The following AMPD3 variants were observed in gnomAD, a reference collection of about 807,000 sequenced individuals.
AMPD3 encodes the protein AMP deaminase 3.
In AMPD3, 57 loss-of-function variants were observed where a neutral mutation model predicts 82.3. The observed-to-expected ratio is 0.69, with a 90% CI of 0.56 to 0.86. The LOEUF (loss-of-function observed/expected upper bound fraction) is 0.86, where lower values mean the gene tolerates loss of function less well. Among genes scored for constraint, AMPD3 ranks in the 40% least tolerant of loss-of-function variants. The pLI is 0.00. For synonymous variants in AMPD3, 381 were observed against 394.7 expected (o/e 0.97, Z 0.41); for missense variants, 870 against 1,003.8 (o/e 0.87, Z 1.80).
Position 10,506,093 on chromosome 11 carries a change from C to G in AMPD3, c.*209C>G. 3 of 620,480 alleles carry G rather than the reference C, an allele frequency of 4.8e-6. No individual in the cohort carries two copies. In the South Asian group the frequency reaches 5.5e-5, roughly 11 times the overall value. 38.4% of individuals were successfully genotyped at this position (620,480 alleles called of 1,614,324 possible). Reference sequence around the variant, plus strand: ...CTGAGTAACAAGATGGTGACTTCTCCTTGGGGATCTGGGAGCTGAGCACTT... The same window carrying G: ...CTGAGTAACAAGATGGTGACTTCTCGTTGGGGATCTGGGAGCTGAGCACTT... On this transcript the variant is annotated 3_prime_UTR_variant, in exon 15 of 15. Transcript: ENST00000396553. This position sits in a 1 kb window ranked among gnomAD's most constrained non-coding sequence, Gnocchi z 4.1.
upstream of AMPD3, chr11:10,450,722 T>G: frequency 3.7e-6 from 4 of 1,093,556 alleles, no homozygotes; most frequent in African/African-American, 1.7e-5. Flanking sequence ...GCCCGGGCGC[T>G]TCAGGTAGCC....
intron 1 of AMPD3, among the ~76,000 whole-genome samples, chr11:10,457,339 TGGGTTCTGTAAAACAAAAA>T (rs1848126505): frequency 6.6e-6 from 1 of 152,142 alleles, no homozygotes; most frequent in African/African-American, 2.4e-5. Context: ...AAGATTTTTA[TGGGTTCTGTAAAACAAAAA>T]GGGTTCTGTA....
intron 1 of AMPD3, chr11:10,461,068 C>A: frequency 8.5e-7 from 1 of 1,171,792 alleles, no homozygotes; most frequent in Non-Finnish European, 1.1e-6. Context: ...TCTTGTGCGA[C>A]CTTAGCTGTT....
At chr11:10,490,894 C>G (rs1474498604) in intron 6 of AMPD3, among the ~76,000 whole-genome samples, 1 of 152,184 alleles carries the variant, frequency 6.6e-6, no homozygotes, top group Non-Finnish European at 1.5e-5. Context: ...TTTTAGTTTT[C>G]TGCTTTGCTT....
chr11:10,480,008 G>A (rs1848855322), intron 3 of AMPD3: 12 of 976,954 alleles, frequency 1.2e-5, no homozygotes, highest in African/African-American at 1.8e-5. Context: ...AGTCGAGGTG[G>A]GTCGGCCACC....
At chr11:10,494,591 T>C in intron 7 of AMPD3, 2 of 985,344 alleles carry the variant, frequency 2.0e-6, no homozygotes, top group Non-Finnish European at 1.2e-6. Context: ...TGATAGGGAA[T>C]GTTCTATTAT....
chr11:10,463,908 G>A (rs536740665), intron 2 of AMPD3, among the ~76,000 whole-genome samples: 21 of 152,316 alleles, frequency 1.4e-4, no homozygotes, highest in African/African-American at 4.8e-4. Flanking sequence ...TGGATGTCTG[G>A]CAGAGGAAGA....
Position 10,478,561 on chromosome 11 carries a change from T to C in AMPD3, c.257T>C (p.Leu86Pro). The C allele has an allele frequency of 6.2e-7, 1 of 1,614,206 alleles. No individual in the cohort carries two copies. Among genetic ancestry groups the C allele is most frequent in the Non-Finnish European group, 8.5e-7 (1 of 1,180,038 alleles). The change falls in exon 3 of 15, where the codon CTG becomes CCG. Residue 86 changes from leucine (L) to proline (P), a missense_variant. Coordinates refer to ENST00000396553, the MANE Select transcript of AMPD3 (RefSeq NM_001025389.2). ...KSFKMIRSQS[L>P]SLQMPPQQDW... ...TTCAAGATGATTCGGTCCCAGTCCC[T>C]GTCTCTGCAAATGCCGCCACAGCAA... is the stretch of plus-strand genomic sequence containing the variant.
chr11:10,485,095 G>A (rs1849028662), intron 5 of AMPD3, 56 bp downstream of exon 5: 1 of 1,538,268 alleles, frequency 6.5e-7, no homozygotes, highest in Admixed American at 1.9e-5. Context: ...TCTGTAGGAA[G>A]GAGATGAGAA....
chr11:10,476,567 C>A (rs1202534709), intron 2 of AMPD3, among the ~76,000 whole-genome samples: 1 of 151,980 alleles, frequency 6.6e-6, no homozygotes, highest in Non-Finnish European at 1.5e-5. Context: ...GACCAGACCT[C>A]AGGCAGCCTT....
chr11:10,463,041 C>T lies in AMPD3; in HGVS notation c.221+1301C>T, dbSNP rs1003020746. On this transcript the variant is annotated intron_variant, in intron 2 of 14. Coordinates refer to ENST00000396553, the MANE Select transcript of AMPD3 (RefSeq NM_001025389.2). Reference sequence around the variant, plus strand: ...CTAAGTGAAATGAGAAGCCCTCATCCTTTCACAGTTTATCTCACCCTGGGC... The same window carrying T: ...CTAAGTGAAATGAGAAGCCCTCATCTTTTCACAGTTTATCTCACCCTGGGC... Among the ~76,000 whole-genome samples, 57 of 152,274 alleles carry T rather than the reference C, an allele frequency of 3.7e-4. 1 individual carries two copies. Among genetic ancestry groups the T allele is most frequent in the African/African-American group, 1.4e-3 (57 of 41,556 alleles).
chr11:10,472,242 A>G (rs1046074154), intron 2 of AMPD3, among the ~76,000 whole-genome samples: 15 of 151,930 alleles, frequency 9.9e-5, no homozygotes, highest in African/African-American at 3.4e-4. Flanking sequence ...GAGTTGAACA[A>G]TGAGAACACA....
At chr11:10,480,859 C>T (rs371671055) in intron 3 of AMPD3, among the ~76,000 whole-genome samples, 12 of 152,340 alleles carry the variant, frequency 7.9e-5, no homozygotes, top group African/African-American at 2.9e-4. Context: ...TGGTGCCTCC[C>T]TCTGCTGTTC....
Position 10,506,220 on chromosome 11 carries a change from G to A in AMPD3, c.*336G>A, listed in dbSNP as rs986209287. 4.9e-5 allele frequency: 17 copies of A among 345,170 alleles called. No individual in the cohort carries two copies. Among genetic ancestry groups the A allele is most frequent in the African/African-American group, 3.6e-4 (17 of 47,224 alleles). The allele number at this position is 345,170 out of a possible 1,614,324, so 21.4% of individuals were successfully genotyped here. On this transcript the variant is annotated 3_prime_UTR_variant, in exon 15 of 15. Coordinates refer to ENST00000396553, the MANE Select transcript of AMPD3 (RefSeq NM_001025389.2). The surrounding 1 kb of genome is among the most constrained non-coding windows in gnomAD (Gnocchi z 4.1). ...CCTGGTCAGATGCCAAGTAACATGT[G>A]GTTTTCTGCCATACTTTTCTCCATT...
intron 9 of AMPD3, 130 bp downstream of exon 9, chr11:10,495,863 G>T: frequency 8.1e-7 from 1 of 1,229,528 alleles, no homozygotes; most frequent in South Asian, 1.3e-5. Context: ...TCCTTTCCAG[G>T]GATTTTTCCA....
rs1417612558 is a variant in AMPD3 at position 10,456,244 on chromosome 11, A to T, written c.-6+796A>T. On this transcript the variant is annotated intron_variant, in intron 1 of 14. Transcript: ENST00000396553. This position sits in a 1 kb window ranked among gnomAD's most constrained non-coding sequence, Gnocchi z 4.3. ...TGCTCTGGCTCACTGCTGCTCACAG[A>T]TATGCAAAACAGAGACCTCCTACTC... 5 of 1,511,638 alleles carry T rather than the reference A, an allele frequency of 3.3e-6. No individual in the cohort carries two copies. The highest frequency in any genetic ancestry group is 2.3e-5 in the East Asian group (1 of 43,334). The allele number at this position is 1,511,638 out of a possible 1,614,324, so 93.6% of individuals were successfully genotyped here.
At position 10,506,443 on chromosome 11, in the gene AMPD3, T is replaced by A. The variant is rs1849717250; in HGVS notation, c.*559T>A. ...TTTAGCCCTCCTTCCCTCTTTCTAG[T>A]TGGAAGCCAAATGTACTCATGAAAA... On this transcript the variant is annotated 3_prime_UTR_variant, in exon 15 of 15. Transcript: ENST00000396553. This position sits in a 1 kb window ranked among gnomAD's most constrained non-coding sequence, Gnocchi z 4.1. 1 of 171,762 alleles carries A rather than the reference T, an allele frequency of 5.8e-6. No homozygotes were observed. Among genetic ancestry groups the A allele is most frequent in the South Asian group, 1.3e-4 (1 of 7,542 alleles). The allele number at this position is 171,762 out of a possible 1,614,324, so 10.6% of individuals were successfully genotyped here.
chr11:10,495,996 C>T (rs1310480862), intron 9 of AMPD3, among the ~76,000 whole-genome samples: 2 of 150,518 alleles, frequency 1.3e-5, no homozygotes, highest in African/African-American at 4.9e-5. Context: ...TGGCTCACTG[C>T]AACCTCCACC....
At chr11:10,467,388 T>A (rs1848452300) in intron 2 of AMPD3, among the ~76,000 whole-genome samples, 1 of 151,948 alleles carries the variant, frequency 6.6e-6, no homozygotes. Context: ...TATGAATAGC[T>A]GAATCAATCA....
Sources: allele counts gnomAD v4.1 joint callset (sites outside exome capture counted in the v4.1 genomes callset), GRCh38; gene constraint gnomAD v4.1.1; non-coding constraint Gnocchi (gnomAD v3.1); transcripts MANE v1.5; gene names NCBI Gene and HGNC (gene_info 2026-07-23, HGNC 2026-07-21).